The following CNKSR3 variants were observed in gnomAD, a reference collection of about 807,000 sequenced individuals.
The protein encoded by CNKSR3 is connector enhancer of kinase suppressor of ras 3.
CNKSR3 carries 36 observed loss-of-function variants against 67.7 expected under a neutral mutation model. The ratio of observed to expected loss-of-function variants is 0.53; its 90% CI spans 0.41 to 0.70. The LOEUF is 0.70. Among genes scored for constraint, CNKSR3 ranks in the 30% least tolerant of loss-of-function variants. CNKSR3 has a pLI of 0.00. For synonymous variants in CNKSR3, 281 were observed against 271.4 expected, an observed-to-expected ratio of 1.04 and a Z score of -0.35; for missense variants, 630 against 695.2, an observed-to-expected ratio of 0.91 and a Z score of 1.05.
chr6:154,430,603 G>GC lies in CNKSR3; in HGVS notation c.550-13_550-12insG. The GC allele has an allele frequency of 6.2e-6, 10 of 1,600,074 alleles. No homozygotes were observed. The highest frequency in any genetic ancestry group is 8.5e-6 in the Non-Finnish European group (10 of 1,175,946). ...TTTAAAACCTTGACCTAGAATTGGA[G>GC]AAGCAAATAGTCAGGAAAGTTCAAT... On this transcript the variant is annotated splice_polypyrimidine_tract_variant and intron_variant, in intron 5 of 12. Transcript: ENST00000607772.
chr6:154,482,434 GA>G (rs1786583903), intron 1 of CNKSR3, among the ~76,000 whole-genome samples: 1 of 152,160 alleles, frequency 6.6e-6, no homozygotes, highest in African/African-American at 2.4e-5. Context: ...CTGTTCCTAA[GA>G]GGCACTTAGA....
rs1371214608 is a variant in CNKSR3 at position 154,396,209 on chromosome 6, G to A, written c.*10145C>T. 6.6e-6 allele frequency: 1 copy of A among 152,176 alleles called. No homozygotes were observed. Among genetic ancestry groups the A allele is most frequent in the Non-Finnish European group, 1.5e-5 (1 of 68,034 alleles). The allele number at this position is 152,176 out of a possible 1,614,324, so 9.4% of individuals were successfully genotyped here. ...GAAACTGCCTGTACGAGCTTTAAAT[G>A]AGTTCTTTGTGGACTTCGGAAAGTG... On this transcript the variant is annotated 3_prime_UTR_variant, in exon 13 of 13. Transcript: ENST00000607772.
rs543339316 is a variant in CNKSR3, at chr6:154,410,360, C to T, written c.1352G>A (p.Arg451Gln). 1.4e-5 allele frequency: 23 copies of T among 1,613,878 alleles called. No homozygotes were observed. The highest frequency in any genetic ancestry group is 8.9e-5 in the East Asian group (4 of 44,882). ...MGIVDPFARPRGHGRKGEDAL... is the reference protein window; with the variant it reads ...MGIVDPFARPQGHGRKGEDAL... The stretch of plus-strand genomic sequence containing the variant: ...AAACGTACCTTTCCTGCCATGACCT[C>T]GAGGTCTGGCAAAAGGGTCCACAAT... The change falls in exon 12 of 13, where the codon CGA becomes CAA. Residue 451 changes from arginine (R) to glutamine (Q), a missense_variant. Physicochemically the swap from Arg to Gln is conservative, Grantham distance 43. Coordinates refer to ENST00000607772, the MANE Select transcript of CNKSR3 (RefSeq NM_173515.4).
intron 9 of CNKSR3, among the ~76,000 whole-genome samples, chr6:154,421,291 G>A (rs117593925): frequency 1.4e-4 from 21 of 152,262 alleles, no homozygotes; most frequent in Non-Finnish European, 2.5e-4. Context: ...TGGGATTACC[G>A]GCGTGAGCCA....
chr6:154,408,048 G>A (rs570166612), intron 12 of CNKSR3, among the ~76,000 whole-genome samples: 12 of 150,780 alleles, frequency 8.0e-5, no homozygotes, highest in South Asian at 6.3e-4. Context: ...TTTTTGAGAC[G>A]GAGTCTCACT....
chr6:154,406,532 G>A lies in CNKSR3; in HGVS notation c.1490C>T (p.Ala497Val), dbSNP rs1315185423. ...GCACCTGCTTCCTCGGATGTAGTCC[G>A]CACCCCGGACCAGATGCCGCTCGGT... ...PTTERHLVRG[A>V]DYIRGSRCYI... is the part of the protein sequence containing the mutation. The change falls in exon 13 of 13, where the codon GCG (alanine) becomes GTG (valine). Residue 497 changes from alanine to valine, a missense_variant. Around this residue, in one of 3 missense-constraint regions of CNKSR3, gnomAD observed 308 missense variants for 299.6 expected, o/e 1.03. Transcript: ENST00000607772. The A allele has an allele frequency of 8.7e-6, 14 of 1,614,070 alleles. No homozygotes were observed. Among genetic ancestry groups the A allele is most frequent in the South Asian group, 6.6e-5 (6 of 91,088 alleles).
chr6:154,393,287 C>T lies in CNKSR3; in HGVS notation c.*13067G>A, dbSNP rs9371801. 1 of 152,018 alleles carries T rather than the reference C, an allele frequency of 6.6e-6. No homozygotes were observed. Among genetic ancestry groups the T allele is most frequent in the Non-Finnish European group, 1.5e-5 (1 of 68,010 alleles). 9.4% of individuals were successfully genotyped at this position (152,018 alleles called of 1,614,324 possible). On this transcript the variant is annotated 3_prime_UTR_variant, in exon 13 of 13. Coordinates refer to ENST00000607772, the MANE Select transcript of CNKSR3 (RefSeq NM_173515.4). ...GAGTCATAGGGTATGTGAATACTCA[C>T]TGCTAATTTAACCTCATACACATAA... is the stretch of plus-strand genomic sequence containing the variant.
rs577190579 is a variant in CNKSR3, at chr6:154,405,674, A to C, written c.*680T>G. On this transcript the variant is annotated 3_prime_UTR_variant, in exon 13 of 13. Transcript: ENST00000607772. ...AAAGACAATAATATATAACAACACC[A>C]CCCCACACAAATAACCATAAACTTC... The C allele has an allele frequency of 1.3e-5, 2 of 152,212 alleles. No homozygotes were observed. Among genetic ancestry groups the C allele is most frequent in the Admixed American group, 1.3e-4 (2 of 15,276 alleles). 9.4% of individuals were successfully genotyped at this position (152,212 alleles called of 1,614,324 possible). A position where few individuals can be genotyped will look rare whatever the true frequency, so the allele number is the denominator to read the frequency against.
chr6:154,441,514 C>CAAACA, intron 3 of CNKSR3, 135 bp from the exon 4 acceptor site: 1 of 648,770 alleles, frequency 1.5e-6, no homozygotes, highest in Non-Finnish European at 2.7e-6. Flanking sequence ...GACTGTGTCT[C>CAAACA]ACTCTGTCGC....
At chr6:154,484,965 T>C (rs755881390) in intron 1 of CNKSR3, among the ~76,000 whole-genome samples, 7 of 151,998 alleles carry the variant, frequency 4.6e-5, no homozygotes, top group Non-Finnish European at 7.4e-5. Context: ...TTTGGAGAGG[T>C]GGTTTTTAGC....
chr6:154,458,024 GCAAA>G (rs1306550371), intron 1 of CNKSR3, among the ~76,000 whole-genome samples: 12 of 152,356 alleles, frequency 7.9e-5, no homozygotes, highest in Non-Finnish European at 1.2e-4. Context: ...GCCTGTTTCT[GCAAA>G]CAAAGTCTGA....
chr6:154,486,882 G>C (rs1786684348), intron 1 of CNKSR3, among the ~76,000 whole-genome samples: 2 of 151,904 alleles, frequency 1.3e-5, no homozygotes. Flanking sequence ...TGTTGCCCAG[G>C]CTGGTCTCGA....
chr6:154,463,802 G>C lies in CNKSR3; in HGVS notation c.53-13544C>G, dbSNP rs548522851. Among the ~76,000 whole-genome samples the C allele has an allele frequency of 7.2e-5, 11 of 152,252 alleles. 1 individual carries two copies. The South Asian group carries it at 2.3e-3, about 32-fold the overall frequency. On this transcript the variant is annotated intron_variant, in intron 1 of 12. Transcript: ENST00000607772. Reference sequence around the variant, plus strand: ...TAAGTGACCTCAATCAGATCACTTGGCTTCTTCACTGCAGTGTAAAATGCA... The same window carrying C: ...TAAGTGACCTCAATCAGATCACTTGCCTTCTTCACTGCAGTGTAAAATGCA...
chr6:154,474,113 A>G (rs1451503702), intron 1 of CNKSR3, among the ~76,000 whole-genome samples: 1 of 41,866 alleles, frequency 2.4e-5, no homozygotes, highest in Non-Finnish European at 3.8e-5. Flanking sequence ...ATGGGGTTAT[A>G]AAAAAAAAAA....
intron 7 of CNKSR3, among the ~76,000 whole-genome samples, chr6:154,424,432 G>C (rs191150760): frequency 9.4e-4 from 143 of 152,210 alleles, no homozygotes; most frequent in Middle Eastern, 3.4e-3. Context: ...ATCTAGAATA[G>C]AGGATTTAAT....
intron 1 of CNKSR3, among the ~76,000 whole-genome samples, chr6:154,457,488 G>A (rs1189499319): frequency 3.9e-5 from 6 of 152,210 alleles, no homozygotes; most frequent in Admixed American, 6.5e-5. Flanking sequence ...GGGAGGCCAA[G>A]GTGGGTGGAT....
intron 1 of CNKSR3, among the ~76,000 whole-genome samples, chr6:154,494,553 G>GAAAAAC (rs1356174223): frequency 5.9e-5 from 9 of 152,186 alleles, no homozygotes; most frequent in Non-Finnish European, 1.3e-4. Context: ...TAATTTATAA[G>GAAAAAC]AAAAACAATC....
chr6:154,442,955 T>C (rs1468270430), intron 2 of CNKSR3, among the ~76,000 whole-genome samples: 1 of 152,160 alleles, frequency 6.6e-6, no homozygotes, highest in East Asian at 1.9e-4. Flanking sequence ...AGTGGTGCCA[T>C]CTCAGCTCAC....
At chr6:154,472,861 A>G (rs1458168989) in intron 1 of CNKSR3, among the ~76,000 whole-genome samples, 3 of 151,926 alleles carry the variant, frequency 2.0e-5, no homozygotes, top group African/African-American at 7.3e-5. Flanking sequence ...GGACTCTACA[A>G]CTTTCTAGAG....
Sources: allele counts gnomAD v4.1 joint callset (sites outside exome capture counted in the v4.1 genomes callset), GRCh38; gene constraint gnomAD v4.1.1; regional missense constraint gnomAD v4.1.1; transcripts MANE v1.5; gene names NCBI Gene and HGNC (gene_info 2026-07-23, HGNC 2026-07-21).